LRBA: variants seen among roughly 807,000 people sequenced by gnomAD.
LRBA encodes lipopolysaccharide-responsive and beige-like anchor protein.
Under a neutral mutation model 330.0 loss-of-function variants are expected in LRBA, and 176 were observed. The observed-to-expected ratio is 0.53, with a 90% CI of 0.47 to 0.60. The LOEUF is 0.60. Ranked by LOEUF, LRBA falls within the 20% of genes least tolerant of loss-of-function variation. The pLI is 0.00. For synonymous variants in LRBA, 1,230 were observed against 1,193.0 expected (o/e 1.03, Z -0.64); for missense variants, 3,259 against 3,444.8 (o/e 0.95, Z 1.35).
intron 37 of LRBA, among the ~76,000 whole-genome samples, chr4:150,651,450 GATA>G (rs1461137043): frequency 6.6e-6 from 1 of 152,176 alleles, no homozygotes; most frequent in African/African-American, 2.4e-5. Flanking sequence ...TATATTTGGT[GATA>G]ATATCATCTA....
At chr4:150,598,332 C>A (rs2126505634) in intron 38 of LRBA, among the ~76,000 whole-genome samples, 1 of 152,008 alleles carries the variant, frequency 6.6e-6, no homozygotes, top group African/African-American at 2.4e-5. Flanking sequence ...AGTATCAAAT[C>A]CAAAGGAAAT....
Position 150,436,881 on chromosome 4 carries a change from A to G in LRBA, c.6781-17T>C, listed in dbSNP as rs781340856. 7 of 1,611,294 alleles carry G rather than the reference A, an allele frequency of 4.3e-6. No homozygotes were observed. In the South Asian group the frequency reaches 7.7e-5, roughly 18 times the overall value. On this transcript the variant is annotated splice_polypyrimidine_tract_variant and intron_variant, in intron 44 of 56. Coordinates refer to ENST00000651943, the MANE Select transcript of LRBA (RefSeq NM_001364905.1). ...TCCTATTGGCTGCCAATAGGGAGGG[A>G]AAAAACAAAGAATACATCAATGTAA...
intron 40 of LRBA, among the ~76,000 whole-genome samples, chr4:150,550,971 C>T (rs1347152236): frequency 2.0e-5 from 3 of 152,162 alleles, no homozygotes; most frequent in Non-Finnish European, 4.4e-5. Flanking sequence ...GTGTTGGAAA[C>T]TGAATCCCCA....
At chr4:150,909,918 G>A (rs768012679) in intron 9 of LRBA, among the ~76,000 whole-genome samples, 2 of 152,064 alleles carry the variant, frequency 1.3e-5, no homozygotes, top group African/African-American at 4.8e-5. Flanking sequence ...TAGTGATATT[G>A]AGCATCTTTT....
intron 47 of LRBA, among the ~76,000 whole-genome samples, chr4:150,350,840 T>C (rs1248414983): frequency 6.6e-6 from 1 of 152,180 alleles, no homozygotes; most frequent in African/African-American, 2.4e-5. Context: ...AAACTAAATG[T>C]GAAAATGTTA....
intron 9 of LRBA, among the ~76,000 whole-genome samples, chr4:150,913,606 T>C (rs184406248): frequency 1.3e-5 from 2 of 152,382 alleles, no homozygotes; most frequent in African/African-American, 4.8e-5. Context: ...CTGGTTGTTC[T>C]ATTCATTATT....
Position 150,777,878 on chromosome 4 carries a change from G to A in LRBA, c.5581-16031C>T, listed in dbSNP as rs1737610512. Among the ~76,000 whole-genome samples, 4 of 150,732 alleles carry A rather than the reference G, an allele frequency of 2.7e-5. No homozygotes were observed. The South Asian group carries it at 6.3e-4, about 24-fold the overall frequency. ...AGTCCCAGCTACTCAGGAGGCTGAG[G>A]CAGGAGAATCGCTTGAACCCAGGAG... is the stretch of plus-strand genomic sequence containing the variant. On this transcript the variant is annotated intron_variant, in intron 34 of 56. Coordinates refer to ENST00000651943, the MANE Select transcript of LRBA (RefSeq NM_001364905.1).
intron 11 of LRBA, among the ~76,000 whole-genome samples, chr4:150,907,309 GA>G (rs1486115908): frequency 3.9e-5 from 3 of 76,584 alleles, no homozygotes; most frequent in Admixed American, 2.6e-4. Context: ...AAGTGGGGGA[GA>G]GGGGGAAGGG....
chr4:150,906,076 C>T (rs1731304830), intron 12 of LRBA, 86 bp from the exon 13 acceptor site: 1 of 1,178,702 alleles, frequency 8.5e-7, no homozygotes, highest in Non-Finnish European at 1.2e-6. Flanking sequence ...AAAAAACTGG[C>T]CCACAAATTA....
Position 150,724,115 on chromosome 4 carries a change from G to A in LRBA, c.5754+11143C>T, listed in dbSNP as rs561441607. Among the ~76,000 whole-genome samples the A allele has an allele frequency of 5.3e-5, 8 of 152,286 alleles. No individual in the cohort carries two copies. In the East Asian group the frequency reaches 5.8e-4, roughly 11 times the overall value. ...CCCAGACAGCACTTTGGACATTCCC[G>A]GAGCCTGTGGGAACTCACGGCCCTG... On this transcript the variant is annotated intron_variant, in intron 36 of 56. Transcript: ENST00000651943.
intron 41 of LRBA, among the ~76,000 whole-genome samples, chr4:150,489,274 T>TATATTATATATAAGAATATATAAA (rs1758436258): frequency 9.5e-6 from 1 of 105,390 alleles, no homozygotes; most frequent in African/African-American, 3.9e-5. Context: ...GAATATATAA[T>TATATTATATATAAGAATATATAAA]ATATTATATA....
intron 34 of LRBA, among the ~76,000 whole-genome samples, chr4:150,772,556 T>C: frequency 6.6e-6 from 1 of 152,192 alleles, no homozygotes; most frequent in East Asian, 1.9e-4. Flanking sequence ...CACTTGTTAA[T>C]TTGGTGGCCC....
chr4:150,682,272 C>G (rs754902773), intron 37 of LRBA, among the ~76,000 whole-genome samples: 23 of 152,258 alleles, frequency 1.5e-4, no homozygotes, highest in Middle Eastern at 3.4e-3. Flanking sequence ...ATACAACACT[C>G]CTCCATTCTC....
At position 150,349,679 on chromosome 4, in the gene LRBA, AATT is replaced by A. The variant is rs112106323; in HGVS notation, c.7362+310_7362+312del. Among the ~76,000 whole-genome samples, 1,478 of 152,264 alleles carry A rather than the reference AATT, an allele frequency of 9.7e-3. 20 individuals carry two copies. The highest frequency in any genetic ancestry group is 0.034 in the African/African-American group (1,404 of 41,546). On this transcript the variant is annotated intron_variant, in intron 48 of 56. Transcript: ENST00000651943. ...TGCTCATAATCATATCTCTTTAATG[AATT>A]ATTACTATTTTCCTACAAAAATCAT...
At chr4:150,285,214 G>T (rs924819236) in intron 54 of LRBA, among the ~76,000 whole-genome samples, 2 of 152,198 alleles carry the variant, frequency 1.3e-5, no homozygotes, top group Admixed American at 6.5e-5. Flanking sequence ...AAAGATGTGA[G>T]ATATAATACT....
chr4:150,287,824 G>A (rs1224567629), intron 53 of LRBA, among the ~76,000 whole-genome samples: 4 of 152,124 alleles, frequency 2.6e-5, no homozygotes, highest in African/African-American at 9.7e-5. Flanking sequence ...TTCTTTGGGA[G>A]GCAAACTTAC....
intron 55 of LRBA, among the ~76,000 whole-genome samples, chr4:150,279,193 T>C (rs1196837150): frequency 6.6e-6 from 1 of 152,202 alleles, no homozygotes; most frequent in South Asian, 2.1e-4. Context: ...TCACAGGTAG[T>C]TGCAGCAGAG....
chr4:150,336,627 T>C (rs1734786303), intron 48 of LRBA, among the ~76,000 whole-genome samples: 1 of 152,096 alleles, frequency 6.6e-6, no homozygotes, highest in South Asian at 2.1e-4. Flanking sequence ...TCAAATAATA[T>C]TATTATGGAA....
chr4:150,737,983 CTTTTTT>C (rs774453122), intron 35 of LRBA, among the ~76,000 whole-genome samples: 7 of 112,156 alleles, frequency 6.2e-5, no homozygotes, highest in South Asian at 6.0e-4. Flanking sequence ...TTCTCTGAAT[CTTTTTT>C]TTTTTTTTTT....
Sources: gnomAD v4.1 joint callset for allele counts (sites outside exome capture counted in the v4.1 genomes callset) on GRCh38, gnomAD v4.1.1 for gene constraint, MANE v1.5 for transcripts, NCBI Gene and HGNC (gene_info 2026-07-23, HGNC 2026-07-21) for gene names.